The following COMT variants were observed in gnomAD, a reference collection of about 807,000 sequenced individuals.
The protein encoded by COMT is catechol-O-methyltransferase, also known as catechol O-methyltransferase.
Under a neutral mutation model 18.9 loss-of-function variants are expected in COMT, and 13 were observed. The observed-to-expected ratio is 0.69, with a 90% confidence interval of 0.45 to 1.09. COMT has a LOEUF of 1.09. Among genes scored for constraint, COMT ranks in the 50% least tolerant of loss-of-function variants. The pLI is 0.00. For synonymous variants in COMT, 150 were observed against 160.9 expected (o/e 0.93, Z 0.51); for missense variants, 329 against 361.8 (o/e 0.91, Z 0.73).
At chr22:19,953,191 C>T (rs957183431) in intron 1 of COMT, among the ~76,000 whole-genome samples, 1 of 152,062 alleles carries the variant, frequency 6.6e-6, no homozygotes, top group South Asian at 2.1e-4. Context: ...TGCCACTCAG[C>T]CTTGAGGAGA....
At position 19,969,778 on chromosome 22, in the gene COMT, A is replaced by G. The variant is rs142741838; in HGVS notation, c.*1042A>G. On this transcript the variant is annotated 3_prime_UTR_variant, in exon 6 of 6. Transcript: ENST00000361682. ...ACCAGAAACAGAGCCTCTGCAGGAC[A>G]CAGCAGATGGGCACCTGGGACCACC... is the stretch of plus-strand genomic sequence containing the variant. The G allele has an allele frequency of 2.4e-3, 2,211 of 925,282 alleles. 3 individuals carry two copies. The highest frequency in any genetic ancestry group is 2.6e-3 in the Non-Finnish European group (2,010 of 774,986). 57.3% of individuals were successfully genotyped at this position (925,282 alleles called of 1,614,324 possible).
rs1348707202 is a variant in COMT, at chr22:19,941,893, G to C, written c.-96G>C. Reference sequence around the variant, plus strand: ...TCCAGTCCCGGGCGGGCCGTCGCGGGAGAGGTGAGAGCGCTGGCTAGACCG... The same window carrying C: ...TCCAGTCCCGGGCGGGCCGTCGCGGCAGAGGTGAGAGCGCTGGCTAGACCG... On this transcript the variant is annotated 5_prime_UTR_variant, in exon 1 of 6. Transcript: ENST00000361682. 1.1e-5 allele frequency: 14 copies of C among 1,321,090 alleles called. No individual in the cohort carries two copies. The Admixed American group carries it at 3.7e-4, about 35-fold the overall frequency. The allele number at this position is 1,321,090 out of a possible 1,614,324, so 81.8% of individuals were successfully genotyped here.
intron 1 of COMT, among the ~76,000 whole-genome samples, chr22:19,954,247 T>TG (rs1341318976): frequency 7.1e-6 from 1 of 141,514 alleles, no homozygotes; most frequent in East Asian, 2.0e-4. Context: ...CCCCTGAGCC[T>TG]GGGGGCCTGG....
At chr22:19,946,660 A>C (rs935860855) in intron 1 of COMT, among the ~76,000 whole-genome samples, 2 of 152,202 alleles carry the variant, frequency 1.3e-5, no homozygotes, top group Admixed American at 1.3e-4. Flanking sequence ...AAAATAGTGT[A>C]GTTAAATATC....
chr22:19,961,446 C>G (rs994419059), intron 2 of COMT, among the ~76,000 whole-genome samples, 157 bp downstream of exon 2: 13 of 152,214 alleles, frequency 8.5e-5, no homozygotes, highest in African/African-American at 3.1e-4. Context: ...CATGACCTCC[C>G]CCTAGGGCGG....
At chr22:19,968,386 A>T in intron 5 of COMT, 150 bp from the exon 6 acceptor site, 1 of 748,388 alleles carries the variant, frequency 1.3e-6, no homozygotes. Flanking sequence ...TTCCTGCAGG[A>T]GTCACGCTGG....
At chr22:19,960,153 T>C (rs563769624) in intron 1 of COMT, among the ~76,000 whole-genome samples, 2 of 152,368 alleles carry the variant, frequency 1.3e-5, no homozygotes, top group African/African-American at 4.8e-5. Context: ...AATTCAAGTA[T>C]TAACGCAGAT....
intron 5 of COMT, chr22:19,965,618 G>A (rs1374974501): frequency 1.3e-5 from 2 of 152,308 alleles, no homozygotes; most frequent in African/African-American, 4.8e-5. Flanking sequence ...GGGATTACAG[G>A]CGTGAGCCAC....
At chr22:19,954,662 A>G (rs1009811650) in intron 1 of COMT, among the ~76,000 whole-genome samples, 3 of 152,186 alleles carry the variant, frequency 2.0e-5, no homozygotes, top group Non-Finnish European at 2.9e-5. Flanking sequence ...CATGTTGGTC[A>G]GGCTGTTCTT....
At chr22:19,959,424 A>G (rs1228818494) in intron 1 of COMT, among the ~76,000 whole-genome samples, 2 of 152,164 alleles carry the variant, frequency 1.3e-5, no homozygotes, top group Non-Finnish European at 2.9e-5. Context: ...GTGGTCCCAA[A>G]GTCAATTGGA....
In COMT at chr22:19,963,632, G is replaced by A; in HGVS notation, c.356G>A (p.Cys119Tyr). 6.2e-7 allele frequency: 1 copy of A among 1,612,978 alleles called. No homozygotes were observed. The stretch of plus-strand genomic sequence containing the variant: ...GTGCTGCTGGAGCTGGGGGCCTACT[G>A]TGGCTACTCAGCTGTGCGCATGGCC... ...PSVLLELGAY[C>Y]GYSAVRMARL... Residue 119 changes from cysteine (C) to tyrosine (Y), a missense_variant, in exon 4 of 6, where the codon TGT (cysteine) becomes TAT (tyrosine). Cys to Tyr is a radical substitution (Grantham distance 194, BLOSUM62 -2). Coordinates refer to ENST00000361682, the MANE Select transcript of COMT (RefSeq NM_000754.4).
chr22:19,952,197 C>T (rs543922654), intron 1 of COMT, among the ~76,000 whole-genome samples: 1 of 152,238 alleles, frequency 6.6e-6, no homozygotes. Flanking sequence ...GTCCCAGTTA[C>T]TCAGGAGGCT....
chr22:19,966,224 C>T (rs576328138), intron 5 of COMT, among the ~76,000 whole-genome samples: 24 of 152,190 alleles, frequency 1.6e-4, no homozygotes, highest in Middle Eastern at 3.4e-3. Flanking sequence ...GGCCCTGTGC[C>T]CCCTTGTGGA....
intron 1 of COMT, among the ~76,000 whole-genome samples, chr22:19,944,666 T>A (rs1941807127): frequency 6.6e-6 from 1 of 151,446 alleles, no homozygotes; most frequent in Admixed American, 6.6e-5. Flanking sequence ...CTACTAAAAA[T>A]ACAAAATTAG....
Position 19,963,767 on chromosome 22 carries a change from T to G in COMT, c.483+8T>G. 1 of 1,609,172 alleles carries G rather than the reference T, an allele frequency of 6.2e-7. No individual in the cohort carries two copies. The highest frequency in any genetic ancestry group is 8.5e-7 in the Non-Finnish European group (1 of 1,179,616). ...GCTGGCGTGAAGGACAAGGTGTGCA[T>G]GCCTGACCCGTTGTCAGACCTGGAA... On this transcript the variant is annotated splice_region_variant and intron_variant, in intron 4 of 5. Coordinates refer to ENST00000361682, the MANE Select transcript of COMT (RefSeq NM_000754.4).
chr22:19,947,293 C>G (rs143521591), intron 1 of COMT, among the ~76,000 whole-genome samples: 7 of 152,086 alleles, frequency 4.6e-5, no homozygotes, highest in African/African-American at 7.2e-5. Context: ...GTGGGTTTTT[C>G]TCCCCGTGTG....
intron 1 of COMT, among the ~76,000 whole-genome samples, chr22:19,944,403 C>T (rs1425521840): frequency 6.6e-6 from 1 of 151,950 alleles, no homozygotes; most frequent in Non-Finnish European, 1.5e-5. Flanking sequence ...AAAACATTAG[C>T]CGGGCGTGGT....
chr22:19,964,598 C>T, intron 5 of COMT: 1 of 607,178 alleles, frequency 1.6e-6, no homozygotes, highest in Non-Finnish European at 2.9e-6. Context: ...GACCAGACAC[C>T]AGGGCAGAAA....
intron 1 of COMT, among the ~76,000 whole-genome samples, chr22:19,960,763 T>C (rs924709687): frequency 2.6e-5 from 4 of 152,276 alleles, no homozygotes; most frequent in Admixed American, 6.5e-5. Flanking sequence ...CACTGTGACC[T>C]ATCTGTCTCA....
Sources: gnomAD v4.1 joint callset for allele counts (sites outside exome capture counted in the v4.1 genomes callset) on GRCh38, gnomAD v4.1.1 for gene constraint, MANE v1.5 for transcripts, NCBI Gene and HGNC (gene_info 2026-07-23, HGNC 2026-07-21) for gene names.